Variants in LGSN observed in about 807,000 individuals in gnomAD.
LGSN encodes the protein lengsin.
Under a neutral mutation model 19.5 loss-of-function variants are expected in LGSN, and 21 were observed. The ratio of observed to expected loss-of-function variants is 1.07; its 90% CI spans 0.76 to 1.55. The LOEUF (loss-of-function observed/expected upper bound fraction) is 1.55, where lower values mean the gene tolerates loss of function less well. Ranked by LOEUF, LGSN falls within the 40% of genes most tolerant of loss-of-function variation. The probability of loss-of-function intolerance (pLI) is 0.00; values close to 1 mark genes in which losing one functional copy is unlikely to be tolerated. For missense variants in LGSN, 673 were observed against 608.5 expected (o/e 1.11, Z -1.12); for synonymous variants, 257 against 215.6 (o/e 1.19, Z -1.68).
chr6:63,418,158 T>G, the LGSN span, among the ~76,000 whole-genome samples: 5 of 152,230 alleles, frequency 3.3e-5, no homozygotes, highest in Admixed American at 3.3e-4. Flanking sequence ...TTAATTTGAT[T>G]GTTTAAATTT....
At chr6:63,345,554 C>T in the LGSN span, among the ~76,000 whole-genome samples, 1 of 152,146 alleles carries the variant, frequency 6.6e-6, no homozygotes, top group African/African-American at 2.4e-5. Context: ...TGTCTTATTA[C>T]TCCACCAATC....
At chr6:63,320,032 AC>A (rs574196780), upstream of LGSN, 260 of 973,528 alleles carry the variant, frequency 2.7e-4, 1 homozygote, top group African/African-American at 3.7e-3. Flanking sequence ...TACAACAAAG[AC>A]TGCAGATGAT....
the LGSN span, among the ~76,000 whole-genome samples, chr6:63,556,073 A>G: frequency 9.2e-5 from 14 of 152,296 alleles, no homozygotes; most frequent in African/African-American, 3.4e-4. Context: ...AATTTCCAAA[A>G]AAATTACTCC....
the LGSN span, among the ~76,000 whole-genome samples, chr6:63,560,508 T>G: frequency 2.0e-5 from 3 of 151,588 alleles, no homozygotes; most frequent in Admixed American, 6.6e-5. Context: ...GTTCAAGTGA[T>G]TCTCCTGCCT....
the LGSN span, among the ~76,000 whole-genome samples, chr6:63,569,423 A>T: frequency 6.6e-6 from 1 of 151,928 alleles, no homozygotes; most frequent in African/African-American, 2.4e-5. Flanking sequence ...TGCCCAGCTA[A>T]TTTTTTGTAT....
the LGSN span, among the ~76,000 whole-genome samples, chr6:63,467,072 TG>T: frequency 6.6e-6 from 1 of 152,076 alleles, no homozygotes; most frequent in Admixed American, 6.6e-5. Context: ...GACTGAGCCC[TG>T]CAGCACTCCA....
chr6:63,339,770 GTTTACT>G, the LGSN span, among the ~76,000 whole-genome samples: 3 of 151,880 alleles, frequency 2.0e-5, no homozygotes, highest in Non-Finnish European at 4.4e-5. Context: ...CTCTTTTATT[GTTTACT>G]TTTATGATTT....
chr6:63,377,146 A>G, the LGSN span, among the ~76,000 whole-genome samples: 4 of 152,240 alleles, frequency 2.6e-5, no homozygotes, highest in Non-Finnish European at 5.9e-5. Context: ...TGCTAAGGGA[A>G]CAGCCTGTCT....
chr6:63,505,170 C>CTT, the LGSN span, among the ~76,000 whole-genome samples: 181 of 144,056 alleles, frequency 1.3e-3, 3 homozygotes, highest in African/African-American at 3.6e-3. Flanking sequence ...TAGTAACTTG[C>CTT]TTTTTTTTTT....
At chr6:63,382,662 C>G in the LGSN span, among the ~76,000 whole-genome samples, 15 of 152,276 alleles carry the variant, frequency 9.9e-5, no homozygotes, top group African/African-American at 3.6e-4. Context: ...GATTGAGGAG[C>G]TAGTTGCCTG....
chr6:63,456,347 A>ATATATATG, the LGSN span, among the ~76,000 whole-genome samples: 26 of 1,546 alleles, frequency 0.017, 1 homozygote, highest in South Asian at 0.14. Flanking sequence ...CTTGGCAGAA[A>ATATATATG]TATACATATA....
the LGSN span, among the ~76,000 whole-genome samples, chr6:63,418,343 G>A: frequency 1.7e-3 from 251 of 152,058 alleles, no homozygotes; most frequent in African/African-American, 5.7e-3. Context: ...TGGGTGGATC[G>A]CAAGGTCAAG....
chr6:63,560,626 A>ACTC, the LGSN span, among the ~76,000 whole-genome samples: 1 of 151,858 alleles, frequency 6.6e-6, no homozygotes, highest in Non-Finnish European at 1.5e-5. Flanking sequence ...CTGGTCTCGA[A>ACTC]CTCCTGACCT....
At chr6:63,496,944 G>A in the LGSN span, among the ~76,000 whole-genome samples, 4 of 152,086 alleles carry the variant, frequency 2.6e-5, no homozygotes, top group Non-Finnish European at 5.9e-5. Context: ...GATGTTAAGA[G>A]TACAAGACAA....
the LGSN span, among the ~76,000 whole-genome samples, chr6:63,503,288 G>C: frequency 6.6e-6 from 1 of 152,320 alleles, no homozygotes; most frequent in South Asian, 2.1e-4. Flanking sequence ...TATAGATACA[G>C]ACAACAGAAA....
chr6:63,324,877 G>T (rs1215029090), upstream of LGSN, among the ~76,000 whole-genome samples: 1 of 151,548 alleles, frequency 6.6e-6, no homozygotes, highest in Non-Finnish European at 1.5e-5. Context: ...GGAGGCCGAG[G>T]CGGTCACATC....
At chr6:63,513,519 A>C in the LGSN span, among the ~76,000 whole-genome samples, 1 of 152,194 alleles carries the variant, frequency 6.6e-6, no homozygotes, top group South Asian at 2.1e-4. Context: ...CTTCTTGGAA[A>C]AGTAATAATA....
At chr6:63,431,309 G>A in the LGSN span, among the ~76,000 whole-genome samples, 58 of 152,280 alleles carry the variant, frequency 3.8e-4, no homozygotes, top group Non-Finnish European at 5.0e-4. Flanking sequence ...TACCTGACTG[G>A]GTTCAGTACA....
At chr6:63,390,872 A>G in the LGSN span, among the ~76,000 whole-genome samples, 1 of 148,952 alleles carries the variant, frequency 6.7e-6, no homozygotes, top group Non-Finnish European at 1.5e-5. Context: ...AAAAAAAAAA[A>G]AAAAAGAAAA....
Sources: gnomAD v4.1 joint callset for allele counts (sites outside exome capture counted in the v4.1 genomes callset) on GRCh38, gnomAD v4.1.1 for gene constraint, MANE v1.5 for transcripts, NCBI Gene and HGNC (gene_info 2026-07-23, HGNC 2026-07-21) for gene names.